Variants in PLS1 observed in about 807,000 individuals in gnomAD.
The protein encoded by PLS1 is plastin 1, also known as plastin-1.
In PLS1, 32 loss-of-function variants were observed where a neutral mutation model predicts 73.7. That is an observed-to-expected ratio of 0.43 (90% CI 0.33 to 0.58). PLS1 has a LOEUF of 0.58. PLS1 is among the 20% of genes least tolerant of loss of function. The probability of loss-of-function intolerance (pLI) is 0.04; values close to 1 mark genes in which losing one functional copy is unlikely to be tolerated. For synonymous variants in PLS1, 217 were observed against 261.3 expected, an observed-to-expected ratio of 0.83 and a Z score of 1.63; for missense variants, 633 against 740.5, an observed-to-expected ratio of 0.85 and a Z score of 1.68.
chr3:142,656,681 A>C (rs563145500), intron 1 of PLS1: 1 of 152,308 alleles, frequency 6.6e-6, no homozygotes, highest in African/African-American at 2.4e-5. Context: ...TTCTTCAACT[A>C]TTTCATAGCT....
intron 6 of PLS1, among the ~76,000 whole-genome samples, chr3:142,680,039 G>A (rs1206696140): frequency 1.3e-5 from 2 of 152,210 alleles, no homozygotes; most frequent in Admixed American, 1.3e-4. Context: ...TGAAGCAATT[G>A]TGAATGGGAG....
At chr3:142,657,481 CTGTTT>C (rs1275560574) in intron 1 of PLS1, among the ~76,000 whole-genome samples, 1 of 152,130 alleles carries the variant, frequency 6.6e-6, no homozygotes, top group South Asian at 2.1e-4. Context: ...AGTGTTATTG[CTGTTT>C]TGTTTTGTTT....
chr3:142,610,932 C>G lies in PLS1; in HGVS notation c.-37+14423C>G, dbSNP rs566325503. On this transcript the variant is annotated intron_variant, in intron 1 of 15. Coordinates refer to ENST00000457734, the MANE Select transcript of PLS1 (RefSeq NM_001145319.2). ...ACCATTGTAGAGCTAACAGTCTAGA[C>G]CAGAAGTTGGCAAACTTTTTCTGTA... 2.6e-5 allele frequency among the ~76,000 whole-genome samples: 4 copies of G among 152,152 alleles called. No homozygotes were observed. The East Asian group carries it at 7.7e-4, about 29-fold the overall frequency.
At chr3:142,677,788 TAATTATTATTATTATTTTTTG>T (rs1355666840) in intron 5 of PLS1, among the ~76,000 whole-genome samples, 1 of 152,176 alleles carries the variant, frequency 6.6e-6, no homozygotes, top group Non-Finnish European at 1.5e-5. Context: ...ATAGTTTAAT[TAATTATTATTATTATTTTTTG>T]AGATGAGGTC....
chr3:142,703,582 G>A (rs1236254413), intron 12 of PLS1, among the ~76,000 whole-genome samples: 7 of 152,048 alleles, frequency 4.6e-5, no homozygotes, highest in East Asian at 1.9e-4. Context: ...AGGCGTAAGC[G>A]ACCACGCCCG....
At chr3:142,609,866 A>G (rs1163145503) in intron 1 of PLS1, among the ~76,000 whole-genome samples, 1 of 152,116 alleles carries the variant, frequency 6.6e-6, no homozygotes, top group Non-Finnish European at 1.5e-5. Context: ...CAAAGCTTGT[A>G]TGTATGTATG....
chr3:142,700,496 T>G (rs2038307868), intron 12 of PLS1, among the ~76,000 whole-genome samples: 1 of 152,076 alleles, frequency 6.6e-6, no homozygotes, highest in African/African-American at 2.4e-5. Flanking sequence ...CTAATTTTTT[T>G]GTATTTTTAG....
intron 2 of PLS1, among the ~76,000 whole-genome samples, chr3:142,665,026 T>G (rs1426617601): frequency 6.6e-6 from 1 of 151,636 alleles, no homozygotes; most frequent in Non-Finnish European, 1.5e-5. Flanking sequence ...GTGAACCCAG[T>G]GAAAGGTGAG....
chr3:142,621,867 T>C (rs550207271), intron 1 of PLS1, among the ~76,000 whole-genome samples: 227 of 152,320 alleles, frequency 1.5e-3, no homozygotes, highest in African/African-American at 5.1e-3. Context: ...CAGAACTCCA[T>C]GCAACAGCAG....
intron 1 of PLS1, among the ~76,000 whole-genome samples, chr3:142,613,689 A>C (rs1161837306): frequency 6.6e-6 from 1 of 152,198 alleles, no homozygotes. Context: ...TCTTGCTGTA[A>C]CACTGAGGTC....
chr3:142,678,061 C>A lies in PLS1; in HGVS notation c.527C>A (p.Thr176Lys). Reference sequence around the variant, plus strand: ...ATGATCAACTTATCTGAACCAGATACAATTGATGAAAGAGCCATCAATAAG... The same window carrying A: ...ATGATCAACTTATCTGAACCAGATAAAATTGATGAAAGAGCCATCAATAAG... ...CKMINLSEPD[T>K]IDERAINKKK... Residue 176 changes from threonine (T) to lysine (K), a missense_variant, in exon 6 of 16, where the codon ACA (threonine) becomes AAA (lysine). Physicochemically the swap from Thr to Lys is moderately conservative, Grantham distance 78. Transcript: ENST00000457734. 1 of 1,546,840 alleles carries A rather than the reference C, an allele frequency of 6.5e-7. No homozygotes were observed.
chr3:142,709,802 G>A (rs1933035431), intron 14 of PLS1, among the ~76,000 whole-genome samples: 1 of 143,446 alleles, frequency 7.0e-6, no homozygotes, highest in South Asian at 2.2e-4. Context: ...GGGCAACAGA[G>A]CGAGACTCTG....
chr3:142,637,412 AGG>A, intron 1 of PLS1, among the ~76,000 whole-genome samples: 1 of 152,324 alleles, frequency 6.6e-6, no homozygotes, highest in East Asian at 1.9e-4. Flanking sequence ...AAGGAGCATG[AGG>A]AATATTATAG....
chr3:142,645,955 G>T (rs1236166559), intron 1 of PLS1, among the ~76,000 whole-genome samples: 1 of 152,092 alleles, frequency 6.6e-6, no homozygotes, highest in East Asian at 1.9e-4. Context: ...AAGGTCTTAG[G>T]GGGTACAACA....
At chr3:142,678,880 G>T (rs1388527476) in intron 6 of PLS1, among the ~76,000 whole-genome samples, 2 of 151,958 alleles carry the variant, frequency 1.3e-5, no homozygotes, top group East Asian at 1.9e-4. Context: ...CTAGTTTACA[G>T]TCCCACCAAC....
rs774056939 is a variant in PLS1 at position 142,711,615 on chromosome 3, A to G, written c.1744A>G (p.Asn582Asp). The G allele has an allele frequency of 2.0e-5, 32 of 1,606,608 alleles. 1 individual carries two copies. In the South Asian group the frequency reaches 3.1e-4, roughly 16 times the overall value. Residue 582 changes from asparagine to aspartate, a missense_variant, in exon 15 of 16, where the codon AAC becomes GAC. By Grantham distance (23) the Asn-to-Asp change is conservative. Transcript: ENST00000457734. ...RENLSDEDKL[N>D]NAKYAISVAR... The stretch of plus-strand genomic sequence containing the variant: ...AAACTTATCTGATGAGGACAAGCTG[A>G]ACAATGCTAAGTAAGCCTTTATGGT...
At position 142,686,283 on chromosome 3, in the gene PLS1, G is replaced by A; in HGVS notation, c.889-1G>A. 1.3e-6 allele frequency: 2 copies of A among 1,567,570 alleles called. No individual in the cohort carries two copies. Among genetic ancestry groups the A allele is most frequent in the Non-Finnish European group, 1.8e-6 (2 of 1,139,128 alleles). On this transcript the variant is annotated splice_acceptor_variant, in intron 8 of 15. Transcript: ENST00000457734. LOFTEE classifies it high-confidence loss of function. ...ATGCTATTTCATATCTTTCCTTGAA[G>A]GACTCGAGAGCCTATTTTCATCTGC...
At chr3:142,686,184 T>C in intron 8 of PLS1, 100 bp from the exon 9 acceptor site, 2 of 726,650 alleles carry the variant, frequency 2.8e-6, no homozygotes, top group South Asian at 1.6e-5. Flanking sequence ...TTCCATTCTT[T>C]GAGATAGAGG....
intron 1 of PLS1, among the ~76,000 whole-genome samples, chr3:142,609,455 C>T (rs1338273599): frequency 6.6e-6 from 1 of 152,142 alleles, no homozygotes; most frequent in Non-Finnish European, 1.5e-5. Context: ...AATGCTTTGG[C>T]CTAGAGTGAC....
Sources: gnomAD v4.1 joint callset for allele counts (sites outside exome capture counted in the v4.1 genomes callset) on GRCh38, gnomAD v4.1.1 for gene constraint, MANE v1.5 for transcripts, NCBI Gene and HGNC (gene_info 2026-07-23, HGNC 2026-07-21) for gene names.